ENTREP2: variants seen among roughly 807,000 people sequenced by gnomAD.
The protein encoded by ENTREP2 is protein ENTREP2.
the ENTREP2 span, among the ~76,000 whole-genome samples, chr15:29,456,155 A>G: frequency 6.6e-6 from 1 of 150,538 alleles, no homozygotes; most frequent in Non-Finnish European, 1.5e-5. Context: ...CCTGGTGCCC[A>G]AAAGGCTGGA....
At chr15:29,579,847 C>A in the ENTREP2 span, among the ~76,000 whole-genome samples, 1 of 151,522 alleles carries the variant, frequency 6.6e-6, no homozygotes, top group East Asian at 2.0e-4. Flanking sequence ...AGTAGCTGGG[C>A]CTACAGATGT....
the ENTREP2 span, among the ~76,000 whole-genome samples, chr15:29,368,393 C>T: frequency 2.0e-5 from 3 of 150,548 alleles, no homozygotes; most frequent in Non-Finnish European, 4.4e-5. Context: ...CATATATATA[C>T]ACACATACAC....
the ENTREP2 span, among the ~76,000 whole-genome samples, chr15:29,254,555 T>C: frequency 6.8e-6 from 1 of 147,408 alleles, no homozygotes; most frequent in East Asian, 1.9e-4. Context: ...CACATGTCTA[T>C]TTTTTTAAAA....
At chr15:29,432,261 G>A in the ENTREP2 span, among the ~76,000 whole-genome samples, 3 of 152,076 alleles carry the variant, frequency 2.0e-5, no homozygotes, top group Non-Finnish European at 4.4e-5. Context: ...TACAGCCCTG[G>A]GCTTTGGTCT....
At chr15:29,285,056 G>A in the ENTREP2 span, among the ~76,000 whole-genome samples, 1 of 152,178 alleles carries the variant, frequency 6.6e-6, no homozygotes, top group African/African-American at 2.4e-5. Flanking sequence ...TCCTCCAGGT[G>A]GGATGAGATG....
At chr15:29,372,341 T>C in the ENTREP2 span, among the ~76,000 whole-genome samples, 5 of 152,222 alleles carry the variant, frequency 3.3e-5, no homozygotes, top group African/African-American at 1.2e-4. Flanking sequence ...TGAAATGATA[T>C]TTTCTTTTCT....
At chr15:29,527,395 A>G in the ENTREP2 span, among the ~76,000 whole-genome samples, 1 of 152,186 alleles carries the variant, frequency 6.6e-6, no homozygotes, top group South Asian at 2.1e-4. Context: ...CCACCCCACG[A>G]TCAGCTGATG....
chr15:29,479,604 C>CTCTCTCTCCCTCCCTCTCTT, the ENTREP2 span, among the ~76,000 whole-genome samples: 1 of 111,510 alleles, frequency 9.0e-6, no homozygotes, highest in Non-Finnish European at 1.8e-5. Flanking sequence ...GGCTGCAATT[C>CTCTCTCTCCCTCCCTCTCTT]TCTCTCTCCC....
the ENTREP2 span, among the ~76,000 whole-genome samples, chr15:29,210,832 T>C: frequency 6.6e-6 from 1 of 152,242 alleles, no homozygotes; most frequent in African/African-American, 2.4e-5. Flanking sequence ...CCCACCGTAA[T>C]GGACTACAAC....
At chr15:29,129,142 C>A in the ENTREP2 span, among the ~76,000 whole-genome samples, 86,497 of 152,054 alleles carry the variant, frequency 0.57, 28,574 homozygotes, top group Non-Finnish European at 0.74. Flanking sequence ...CAGCTCACTG[C>A]AACATCCGCT....
chr15:29,268,740 G>A, the ENTREP2 span: 2 of 1,538,224 alleles, frequency 1.3e-6, no homozygotes, highest in Non-Finnish European at 8.8e-7. Flanking sequence ...CCTCTAAACT[G>A]TGCCTTTGGG....
chr15:29,423,948 C>T, the ENTREP2 span, among the ~76,000 whole-genome samples: 3 of 152,134 alleles, frequency 2.0e-5, no homozygotes, highest in Admixed American at 6.5e-5. Flanking sequence ...ACATTGTGTC[C>T]GCAATTTATT....
At chr15:29,488,157 G>A in the ENTREP2 span, among the ~76,000 whole-genome samples, 1 of 152,040 alleles carries the variant, frequency 6.6e-6, no homozygotes, top group Non-Finnish European at 1.5e-5. Context: ...TTAAAGGAAA[G>A]AAAGGAAAAG....
the ENTREP2 span, among the ~76,000 whole-genome samples, chr15:29,659,273 A>G: frequency 1.3e-5 from 2 of 152,176 alleles, no homozygotes; most frequent in Non-Finnish European, 2.9e-5. Flanking sequence ...GATCGAGGCC[A>G]TCCTGGCTAA....
chr15:29,669,802 T>C, the ENTREP2 span, among the ~76,000 whole-genome samples: 1 of 152,216 alleles, frequency 6.6e-6, no homozygotes, highest in Non-Finnish European at 1.5e-5. Flanking sequence ...TATTTGTTAA[T>C]GACATGCTCA....
the ENTREP2 span, among the ~76,000 whole-genome samples, chr15:29,330,372 C>A: frequency 6.6e-6 from 1 of 152,022 alleles, no homozygotes; most frequent in African/African-American, 2.4e-5. Flanking sequence ...CCGTTTGAAC[C>A]CGGGAGGCAG....
At chr15:29,151,933 G>T in the ENTREP2 span, 2 of 897,974 alleles carry the variant, frequency 2.2e-6, no homozygotes, top group Non-Finnish European at 3.6e-6. Flanking sequence ...ATGAGCCGAG[G>T]TCGATGACCA....
the ENTREP2 span, among the ~76,000 whole-genome samples, chr15:29,593,835 G>A: frequency 1.3e-5 from 2 of 152,202 alleles, no homozygotes; most frequent in East Asian, 3.8e-4. Context: ...TTGCAGTGAT[G>A]TAACAGTATC....
At chr15:29,235,014 T>G in the ENTREP2 span, 1 of 1,262,502 alleles carries the variant, frequency 7.9e-7, no homozygotes, top group Non-Finnish European at 1.2e-6. Context: ...GCTTGAAGTT[T>G]CAATCTTTAG....
Sources: gnomAD v4.1 joint callset for allele counts (sites outside exome capture counted in the v4.1 genomes callset) on GRCh38, gnomAD v4.1.1 for gene constraint, MANE v1.5 for transcripts, NCBI Gene and HGNC (gene_info 2026-07-23, HGNC 2026-07-21) for gene names.